Variants in CDH13 observed in about 807,000 individuals in gnomAD.
CDH13 encodes cadherin-13.
Under a neutral mutation model 63.8 loss-of-function variants are expected in CDH13, and 24 were observed. The ratio of observed to expected loss-of-function variants is 0.38; its 90% CI spans 0.27 to 0.53. The LOEUF is 0.53. Ranked by LOEUF, CDH13 falls within the 20% of genes least tolerant of loss-of-function variation. The pLI, the probability that CDH13 is intolerant of heterozygous loss-of-function variation, is 0.85. For missense variants in CDH13, 1,049 were observed against 903.1 expected (o/e 1.16, Z -2.07); for synonymous variants, 503 against 355.3 (o/e 1.42, Z -4.67).
chr16:82,668,833 G>T (rs576178759), intron 1 of CDH13, among the ~76,000 whole-genome samples: 3 of 152,298 alleles, frequency 2.0e-5, no homozygotes, highest in East Asian at 1.9e-4. Context: ...TCAGAGAGGG[G>T]CTGTGAGCCC....
intron 6 of CDH13, among the ~76,000 whole-genome samples, chr16:83,398,504 G>A (rs2091920255): frequency 6.6e-6 from 1 of 152,088 alleles, no homozygotes; most frequent in African/African-American, 2.4e-5. Context: ...ATCTCATCTT[G>A]AGATTCTTCA....
At chr16:83,322,227 G>T (rs1177071920) in intron 5 of CDH13, among the ~76,000 whole-genome samples, 1 of 152,154 alleles carries the variant, frequency 6.6e-6, no homozygotes, top group African/African-American at 2.4e-5. Flanking sequence ...GGTGTTGCCG[G>T]CTGGTGTCTC....
At chr16:83,555,924 A>G (rs918920461) in intron 7 of CDH13, among the ~76,000 whole-genome samples, 2 of 152,140 alleles carry the variant, frequency 1.3e-5, no homozygotes, top group Non-Finnish European at 2.9e-5. Flanking sequence ...TTCAATGGGA[A>G]ATAGTTTTGG....
intron 7 of CDH13, among the ~76,000 whole-genome samples, chr16:83,527,142 A>T (rs1358698127): frequency 1.4e-5 from 2 of 143,302 alleles, no homozygotes; most frequent in African/African-American, 2.6e-5. Context: ...AAAAAAAAAA[A>T]TTGTTTTAAT....
At chr16:83,494,299 G>A (rs982233358) in intron 7 of CDH13, among the ~76,000 whole-genome samples, 1 of 151,978 alleles carries the variant, frequency 6.6e-6, no homozygotes, top group Non-Finnish European at 1.5e-5. Flanking sequence ...AGTTCTTTTC[G>A]AGAGCTGTTT....
intron 8 of CDH13, among the ~76,000 whole-genome samples, chr16:83,622,744 T>C (rs931068912): frequency 1.3e-5 from 2 of 152,208 alleles, no homozygotes; most frequent in Admixed American, 1.3e-4. Flanking sequence ...AGTTTCAGAA[T>C]CATTAGTGAG....
chr16:83,720,825 C>T (rs1318148619), intron 10 of CDH13, among the ~76,000 whole-genome samples: 1 of 152,202 alleles, frequency 6.6e-6, no homozygotes, highest in African/African-American at 2.4e-5. Flanking sequence ...GGCCTTGTGA[C>T]TGCCTCTTCT....
intron 7 of CDH13, among the ~76,000 whole-genome samples, chr16:83,505,894 T>C (rs989025490): frequency 6.6e-6 from 1 of 152,198 alleles, no homozygotes; most frequent in African/African-American, 2.4e-5. Flanking sequence ...ATTGCCAACA[T>C]TGCAAACGCA....
intron 4 of CDH13, among the ~76,000 whole-genome samples, chr16:83,211,015 G>T (rs1262418727): frequency 2.0e-5 from 3 of 151,876 alleles, no homozygotes; most frequent in Non-Finnish European, 2.9e-5. Context: ...GGGCGTGGTG[G>T]CACGCACCTG....
intron 1 of CDH13, among the ~76,000 whole-genome samples, chr16:82,713,595 C>A (rs984240110): frequency 2.0e-5 from 3 of 151,998 alleles, no homozygotes; most frequent in African/African-American, 7.2e-5. Context: ...AAGATGATTG[C>A]ATTCATGATT....
chr16:83,454,122 A>T (rs907124857), intron 6 of CDH13, among the ~76,000 whole-genome samples: 2 of 152,250 alleles, frequency 1.3e-5, no homozygotes, highest in Non-Finnish European at 2.9e-5. Context: ...GATTCTCCAA[A>T]AGAAGCCTCA....
intron 2 of CDH13, among the ~76,000 whole-genome samples, chr16:82,910,865 A>G (rs901638840): frequency 1.3e-4 from 20 of 152,174 alleles, no homozygotes; most frequent in African/African-American, 4.3e-4. Flanking sequence ...CAGAGGGTCA[A>G]CAGTGCCACA....
intron 1 of CDH13, among the ~76,000 whole-genome samples, chr16:82,675,996 C>T (rs1372802639): frequency 6.6e-6 from 1 of 152,170 alleles, no homozygotes; most frequent in African/African-American, 2.4e-5. Context: ...AACTCAATTC[C>T]CTGTTTTATT....
intron 8 of CDH13, among the ~76,000 whole-genome samples, chr16:83,635,001 T>C (rs1022550505): frequency 1.3e-5 from 2 of 152,226 alleles, no homozygotes; most frequent in African/African-American, 4.8e-5. Context: ...ACTGCCTGTT[T>C]TCCAGAGTGG....
chr16:83,136,250 G>T (rs1378467042), intron 4 of CDH13, among the ~76,000 whole-genome samples: 7 of 151,662 alleles, frequency 4.6e-5, no homozygotes, highest in African/African-American at 1.7e-4. Flanking sequence ...TTGGGAGGCC[G>T]AGGCAGGCGG....
chr16:82,735,199 T>A (rs1024090769), intron 1 of CDH13, among the ~76,000 whole-genome samples: 1 of 152,234 alleles, frequency 6.6e-6, no homozygotes, highest in Non-Finnish European at 1.5e-5. Flanking sequence ...TCCCCACCCA[T>A]TGATTATCAT....
intron 3 of CDH13, among the ~76,000 whole-genome samples, chr16:83,092,501 T>C (rs1200655548): frequency 6.6e-6 from 1 of 152,246 alleles, no homozygotes; most frequent in Non-Finnish European, 1.5e-5. Flanking sequence ...TCAGCCCTAG[T>C]TCCTTTTGAG....
At chr16:83,339,980 A>C (rs889521984) in intron 5 of CDH13, among the ~76,000 whole-genome samples, 2 of 152,200 alleles carry the variant, frequency 1.3e-5, no homozygotes, top group African/African-American at 2.4e-5. Flanking sequence ...GTTGGGGTCC[A>C]AAAATCACAC....
intron 8 of CDH13, among the ~76,000 whole-genome samples, chr16:83,631,629 C>T (rs12449138): frequency 0.73 from 110,752 of 151,852 alleles, 40,568 homozygotes; most frequent in Middle Eastern, 0.88. Context: ...GATGTCACTC[C>T]AGGATGCGCC....
Sources: allele counts gnomAD v4.1 joint callset (sites outside exome capture counted in the v4.1 genomes callset), GRCh38; gene constraint gnomAD v4.1.1; transcripts MANE v1.5; gene names NCBI Gene and HGNC (gene_info 2026-07-23, HGNC 2026-07-21).